CTNNA2: variants seen among roughly 807,000 people sequenced by gnomAD.
CTNNA2 encodes catenin alpha 2.
A neutral mutation model predicts 101.0 loss-of-function variants in CTNNA2; 42 were observed. The ratio of observed to expected loss-of-function variants is 0.42; its 90% CI spans 0.32 to 0.54. CTNNA2 has a LOEUF of 0.54. Among genes scored for constraint, CTNNA2 ranks in the 20% least tolerant of loss-of-function variants. The pLI, the probability that CTNNA2 is intolerant of heterozygous loss-of-function variation, is 0.14. For synonymous variants in CTNNA2, 450 were observed against 456.4 expected, an observed-to-expected ratio of 0.99 and a Z score of 0.18; for missense variants, 871 against 1,223.1, an observed-to-expected ratio of 0.71 and a Z score of 4.29.
chr2:79,266,368 T>C (rs1030957910), intron 2 of CTNNA2, among the ~76,000 whole-genome samples: 4 of 152,204 alleles, frequency 2.6e-5, no homozygotes, highest in African/African-American at 9.6e-5. Flanking sequence ...CTGGTCCCAG[T>C]GGACTCAAGT....
At chr2:80,248,839 T>C (rs1671542670) in intron 7 of CTNNA2, among the ~76,000 whole-genome samples, 1 of 152,258 alleles carries the variant, frequency 6.6e-6, no homozygotes, top group African/African-American at 2.4e-5. Flanking sequence ...ACTTTAATTA[T>C]TTTTTAATTA....
chr2:80,122,345 T>A (rs1479608958), intron 7 of CTNNA2, among the ~76,000 whole-genome samples: 1 of 151,392 alleles, frequency 6.6e-6, no homozygotes, highest in Non-Finnish European at 1.5e-5. Flanking sequence ...TCTGTCTCTT[T>A]CTCTCTCTCC....
At chr2:79,830,994 CATTT>C (rs1678884901) in intron 3 of CTNNA2, among the ~76,000 whole-genome samples, 1 of 152,168 alleles carries the variant, frequency 6.6e-6, no homozygotes, top group Admixed American at 6.5e-5. Flanking sequence ...TCTCTAAATA[CATTT>C]AATTACAAAT....
intron 7 of CTNNA2, among the ~76,000 whole-genome samples, chr2:80,314,897 A>T (rs898298710): frequency 2.6e-5 from 4 of 152,224 alleles, no homozygotes; most frequent in African/African-American, 9.6e-5. Flanking sequence ...TGAGACATCT[A>T]ATAACATTGT....
chr2:80,489,586 A>G lies in CTNNA2; in HGVS notation c.1291-55396A>G, dbSNP rs189515838. ...AGGGTGTTCTGATATTGAAATTAAT[A>G]CTTCACTTCTTGTTTCTGAAAAGTG... is the stretch of plus-strand genomic sequence containing the variant. On this transcript the variant is annotated intron_variant, in intron 9 of 18. Transcript: ENST00000402739. Among the ~76,000 whole-genome samples the G allele has an allele frequency of 3.9e-5, 6 of 152,284 alleles. No homozygotes were observed. In the East Asian group the frequency reaches 1.2e-3, roughly 29 times the overall value.
intron 7 of CTNNA2, among the ~76,000 whole-genome samples, chr2:80,097,162 G>C (rs1339811841): frequency 3.3e-5 from 5 of 152,264 alleles, no homozygotes; most frequent in African/African-American, 1.2e-4. Context: ...TCCTTTCCAT[G>C]TTTAGTGCTT....
At chr2:79,328,017 A>C (rs1262263588) in intron 3 of CTNNA2, among the ~76,000 whole-genome samples, 1 of 152,128 alleles carries the variant, frequency 6.6e-6, no homozygotes, top group African/African-American at 2.4e-5. Context: ...ACTTCTTGGG[A>C]GTCCAGGCAG....
chr2:80,211,129 T>C lies in CTNNA2; in HGVS notation c.1057-182082T>C, dbSNP rs572134563. 2.0e-5 allele frequency among the ~76,000 whole-genome samples: 3 copies of C among 152,358 alleles called. No individual in the cohort carries two copies. The South Asian group carries it at 6.2e-4, about 32-fold the overall frequency. ...TTCTGGATATTAGCCCCTTGTCAGA[T>C]GGGTAGATTGCAAGAATTTTCTCCC... On this transcript the variant is annotated intron_variant, in intron 7 of 18. Coordinates refer to ENST00000402739, the MANE Select transcript of CTNNA2 (RefSeq NM_001282597.3).
At chr2:80,590,527 C>A (rs927650534) in intron 15 of CTNNA2, among the ~76,000 whole-genome samples, 2 of 151,688 alleles carry the variant, frequency 1.3e-5, no homozygotes, top group African/African-American at 2.4e-5. Flanking sequence ...ATGGGAATGT[C>A]AAGACATCAT....
At chr2:79,953,490 T>C (rs1689021619) in intron 7 of CTNNA2, among the ~76,000 whole-genome samples, 1 of 152,206 alleles carries the variant, frequency 6.6e-6, no homozygotes, top group Non-Finnish European at 1.5e-5. Flanking sequence ...TTTGTATGAC[T>C]GTTTGCTTTC....
intron 18 of CTNNA2, among the ~76,000 whole-genome samples, chr2:80,637,113 G>C (rs1342747318): frequency 6.6e-6 from 1 of 152,118 alleles, no homozygotes; most frequent in East Asian, 1.9e-4. Context: ...AGGAAAAGAA[G>C]GATGAAGATG....
chr2:79,391,764 A>G (rs1390073890), intron 4 of CTNNA2, among the ~76,000 whole-genome samples: 2 of 152,198 alleles, frequency 1.3e-5, no homozygotes, highest in South Asian at 4.1e-4. Flanking sequence ...TGTCCTTCAT[A>G]TAAGTTTGCC....
intron 7 of CTNNA2, among the ~76,000 whole-genome samples, chr2:80,056,971 G>T (rs765639163): frequency 8.5e-5 from 13 of 152,168 alleles, no homozygotes; most frequent in Non-Finnish European, 1.8e-4. Context: ...GGTTCCTCTT[G>T]TGGTTAGTTG....
rs770091748 is a variant in CTNNA2, at chr2:79,251,739, G to A, written c.-406+53663G>A. 2.0e-5 allele frequency among the ~76,000 whole-genome samples: 3 copies of A among 152,030 alleles called. No individual in the cohort carries two copies. In the South Asian group the frequency reaches 6.2e-4, roughly 32 times the overall value. On this transcript the variant is annotated intron_variant, in intron 2 of 21. Transcript: ENST00000466387. ...TTGAACTGGGTCCTCCCCAACTTGG[G>A]CCTGGACATGACTGCAGCCCTGGCT...
At chr2:80,356,238 A>T (rs1673783368) in intron 7 of CTNNA2, among the ~76,000 whole-genome samples, 1 of 152,178 alleles carries the variant, frequency 6.6e-6, no homozygotes, top group Admixed American at 6.5e-5. Flanking sequence ...AGGTAAGTGG[A>T]TTTAACCTCA....
chr2:79,921,625 C>G (rs1213142134), intron 7 of CTNNA2, among the ~76,000 whole-genome samples: 1 of 152,216 alleles, frequency 6.6e-6, no homozygotes, highest in East Asian at 1.9e-4. Flanking sequence ...CTTGGAAGGA[C>G]TGTACTCTCA....
At chr2:79,253,493 T>C (rs539827552) in intron 2 of CTNNA2, among the ~76,000 whole-genome samples, 1 of 152,300 alleles carries the variant, frequency 6.6e-6, no homozygotes, top group African/African-American at 2.4e-5. Flanking sequence ...GGGTTAATAT[T>C]ACAATTTGGT....
intron 13 of CTNNA2, among the ~76,000 whole-genome samples, chr2:80,574,844 G>A (rs550820622): frequency 3.3e-5 from 5 of 152,108 alleles, no homozygotes; most frequent in Non-Finnish European, 7.4e-5. Flanking sequence ...CCCATCTTCA[G>A]ACTTCTGTTG....
chr2:80,374,225 C>G (rs1259807142), intron 7 of CTNNA2, among the ~76,000 whole-genome samples: 1 of 152,152 alleles, frequency 6.6e-6, no homozygotes, highest in Non-Finnish European at 1.5e-5. Flanking sequence ...GGCTTCCTCT[C>G]TTTCCACCCT....
Sources: gnomAD v4.1 joint callset for allele counts (sites outside exome capture counted in the v4.1 genomes callset) on GRCh38, gnomAD v4.1.1 for gene constraint, MANE v1.5 for transcripts, NCBI Gene and HGNC (gene_info 2026-07-23, HGNC 2026-07-21) for gene names.